The following TMEM156 variants were observed in gnomAD, a reference collection of about 807,000 sequenced individuals.
The protein encoded by TMEM156 is transmembrane protein 156.
Under a neutral mutation model 30.5 loss-of-function variants are expected in TMEM156, and 28 were observed. The observed-to-expected ratio is 0.92, with a 90% CI of 0.68 to 1.26. The LOEUF (loss-of-function observed/expected upper bound fraction) is 1.26, where lower values mean the gene tolerates loss of function less well. Among genes scored for constraint, TMEM156 ranks in the 50% most tolerant of loss-of-function variants. The pLI, the probability that TMEM156 is intolerant of heterozygous loss-of-function variation, is 0.00. For synonymous variants in TMEM156, 137 were observed against 119.9 expected (o/e 1.14, Z -0.93); for missense variants, 351 against 340.6 (o/e 1.03, Z -0.24).
intron 1 of TMEM156, among the ~76,000 whole-genome samples, chr4:39,026,955 A>T (rs755056442): frequency 2.6e-4 from 39 of 152,180 alleles, no homozygotes; most frequent in Non-Finnish European, 5.4e-4. Flanking sequence ...AAAAATTTTT[A>T]AAAAGAAGCA....
chr4:39,008,053 T>C (rs1713861124), intron 1 of TMEM156, among the ~76,000 whole-genome samples: 1 of 152,174 alleles, frequency 6.6e-6, no homozygotes, highest in African/African-American at 2.4e-5. Context: ...TATGCAAATA[T>C]GCATATTGAC....
At chr4:38,993,703 A>T (rs777378949) in intron 3 of TMEM156, 35 bp downstream of exon 3, 2 of 1,585,192 alleles carry the variant, frequency 1.3e-6, no homozygotes, top group African/African-American at 1.3e-5. Context: ...TATATCGGAT[A>T]ACTCCTTTTC....
At chr4:39,000,076 T>C (rs1713228291) in intron 1 of TMEM156, among the ~76,000 whole-genome samples, 1 of 151,860 alleles carries the variant, frequency 6.6e-6, no homozygotes, top group African/African-American at 2.4e-5. Context: ...ATAATAGAAA[T>C]AATACTGAGT....
chr4:39,030,369 G>A (rs566837053), intron 1 of TMEM156, among the ~76,000 whole-genome samples: 1 of 152,254 alleles, frequency 6.6e-6, no homozygotes, highest in South Asian at 2.1e-4. Flanking sequence ...CTATTGACAA[G>A]ATGAAGAAGA....
chr4:38,991,609 G>A (rs1310501031), intron 3 of TMEM156, among the ~76,000 whole-genome samples: 1 of 151,880 alleles, frequency 6.6e-6, no homozygotes, highest in Non-Finnish European at 1.5e-5. Context: ...CTATCTTTGT[G>A]GACACCCAAA....
intron 5 of TMEM156, among the ~76,000 whole-genome samples, chr4:38,978,444 T>C (rs7699651): frequency 0.63 from 96,325 of 151,956 alleles, 32,561 homozygotes; most frequent in East Asian, 0.77. Context: ...GAACCTACCT[T>C]AGACACATAA....
At chr4:38,994,873 C>T (rs11096968) in intron 2 of TMEM156, among the ~76,000 whole-genome samples, 10 of 151,670 alleles carry the variant, frequency 6.6e-5, no homozygotes, top group African/African-American at 9.7e-5. Flanking sequence ...GGGAGGCAGA[C>T]GTTGCAGTGG....
chr4:38,978,623 C>T (rs1232794539), intron 5 of TMEM156, among the ~76,000 whole-genome samples: 1 of 152,162 alleles, frequency 6.6e-6, no homozygotes, highest in Non-Finnish European at 1.5e-5. Flanking sequence ...TGATTTTAAT[C>T]TATAAAATCA....
intron 5 of TMEM156, among the ~76,000 whole-genome samples, chr4:38,974,107 AACTGTGCT>A (rs1722735922): frequency 6.6e-6 from 1 of 151,240 alleles, no homozygotes; most frequent in Non-Finnish European, 1.5e-5. Flanking sequence ...GTTATTTTTA[AACTGTGCT>A]ACTGGATTGC....
At chr4:39,015,003 G>T (rs1714384958) in intron 1 of TMEM156, among the ~76,000 whole-genome samples, 1 of 152,080 alleles carries the variant, frequency 6.6e-6, no homozygotes. Flanking sequence ...TTCTTTAATT[G>T]TTGTAAAACT....
intron 1 of TMEM156, among the ~76,000 whole-genome samples, chr4:39,013,502 C>A (rs1049426668): frequency 4.0e-5 from 6 of 151,720 alleles, no homozygotes; most frequent in East Asian, 1.9e-4. Flanking sequence ...TGGATTCAAG[C>A]GATTTCCCCT....
At position 38,986,345 on chromosome 4, in the gene TMEM156, C is replaced by G; in HGVS notation, c.814G>C (p.Val272Leu). The change falls in exon 5 of 7, where the codon GTT (valine) becomes CTT (leucine). Residue 272 changes from valine (V) to leucine (L), a missense_variant. Val to Leu is a conservative substitution (Grantham distance 32). Coordinates refer to ENST00000381938, the MANE Select transcript of TMEM156 (RefSeq NM_024943.3). ...SEKLRALNVQ[V>L]LSAETTQRLP... Reference sequence around the variant, plus strand: ...ATGCCACAGAACTTACCTGAAAGAACCTGCACATTCAATGCTCTCAGTTTC... The same window carrying G: ...ATGCCACAGAACTTACCTGAAAGAAGCTGCACATTCAATGCTCTCAGTTTC... 1 of 1,613,436 alleles carries G rather than the reference C, an allele frequency of 6.2e-7. No individual in the cohort carries two copies. The highest frequency in any genetic ancestry group is 8.5e-7 in the Non-Finnish European group (1 of 1,179,442).
intron 3 of TMEM156, among the ~76,000 whole-genome samples, chr4:38,993,007 C>A (rs1244130716): frequency 6.6e-6 from 1 of 151,196 alleles, no homozygotes; most frequent in Non-Finnish European, 1.5e-5. Flanking sequence ...ATGATCCTCC[C>A]ACCTCAGCCT....
At chr4:39,016,499 T>A (rs557258135) in intron 1 of TMEM156, among the ~76,000 whole-genome samples, 1 of 152,306 alleles carries the variant, frequency 6.6e-6, no homozygotes, top group East Asian at 1.9e-4. Context: ...ACTTTCTGGG[T>A]TTATCTTATT....
chr4:38,974,963 G>A (rs113245655), intron 5 of TMEM156, among the ~76,000 whole-genome samples: 2,503 of 152,124 alleles, frequency 0.016, 28 homozygotes, highest in East Asian at 0.061. Context: ...ATGAGCCACC[G>A]CGCCTGATCT....
intron 5 of TMEM156, among the ~76,000 whole-genome samples, chr4:38,974,259 T>C (rs1428217913): frequency 2.0e-5 from 3 of 150,316 alleles, no homozygotes; most frequent in African/African-American, 7.3e-5. Context: ...GGTTGGAGTA[T>C]AGTGGTGCCA....
At chr4:38,988,280 G>C (rs1712143704) in intron 4 of TMEM156, among the ~76,000 whole-genome samples, 1 of 152,208 alleles carries the variant, frequency 6.6e-6, no homozygotes, top group Non-Finnish European at 1.5e-5. Flanking sequence ...CTGGAGTGCA[G>C]TGGCGCGATC....
At chr4:39,001,573 A>C (rs1264581784) in intron 1 of TMEM156, among the ~76,000 whole-genome samples, 5 of 151,138 alleles carry the variant, frequency 3.3e-5, no homozygotes, top group Non-Finnish European at 5.9e-5. Flanking sequence ...CCCTACTCTC[A>C]AGTCAATCCT....
intron 5 of TMEM156, among the ~76,000 whole-genome samples, chr4:38,971,374 C>T (rs186826938): frequency 6.6e-6 from 1 of 152,246 alleles, no homozygotes; most frequent in African/African-American, 2.4e-5. Context: ...AGGAAGACAA[C>T]GTAGAGAACA....
Sources: gnomAD v4.1 joint callset for allele counts (sites outside exome capture counted in the v4.1 genomes callset) on GRCh38, gnomAD v4.1.1 for gene constraint, MANE v1.5 for transcripts, NCBI Gene and HGNC (gene_info 2026-07-23, HGNC 2026-07-21) for gene names.